Variants in CALN1 observed in about 807,000 individuals in gnomAD.
CALN1 encodes calcium-binding protein 8.
In CALN1, 17 loss-of-function variants were observed where a neutral mutation model predicts 30.6. The observed-to-expected ratio is 0.56, with a 90% CI of 0.38 to 0.83. CALN1 has a LOEUF of 0.83. CALN1 is among the 40% of genes least tolerant of loss of function. CALN1 has a pLI of 0.00. For missense variants in CALN1, 291 were observed against 354.9 expected, an observed-to-expected ratio of 0.82 and a Z score of 1.45; for synonymous variants, 156 against 131.4, an observed-to-expected ratio of 1.19 and a Z score of -1.28.
intron 3 of CALN1, among the ~76,000 whole-genome samples, chr7:72,113,388 C>T (rs1296398367): frequency 6.6e-6 from 1 of 152,216 alleles, no homozygotes; most frequent in Non-Finnish European, 1.5e-5. Context: ...GAGGTCCTCA[C>T]CAGCAGCCAA....
chr7:71,796,315 A>T (rs113869035), intron 6 of CALN1, among the ~76,000 whole-genome samples: 1 of 151,590 alleles, frequency 6.6e-6, no homozygotes, highest in Admixed American at 6.6e-5. Context: ...GTGCAAACCT[A>T]GAAGTTGAAT....
intron 3 of CALN1, among the ~76,000 whole-genome samples, chr7:72,112,998 G>T (rs761240186): frequency 2.6e-5 from 4 of 152,190 alleles, no homozygotes; most frequent in Non-Finnish European, 5.9e-5. Flanking sequence ...GGCAAGACAC[G>T]GGCATGTCTA....
At chr7:72,003,915 G>A (rs1269585925) in intron 5 of CALN1, among the ~76,000 whole-genome samples, 1 of 152,110 alleles carries the variant, frequency 6.6e-6, no homozygotes, top group Non-Finnish European at 1.5e-5. Flanking sequence ...GCTATTCCTA[G>A]ACCACTGGAC....
chr7:72,044,238 G>C (rs1388171758), intron 4 of CALN1, among the ~76,000 whole-genome samples: 1 of 152,076 alleles, frequency 6.6e-6, no homozygotes, highest in Non-Finnish European at 1.5e-5. Flanking sequence ...AATCAGATTG[G>C]GTTGGCTCTC....
chr7:72,501,928 A>AAAAAAAAAAT, the CALN1 span, among the ~76,000 whole-genome samples: 5 of 57,966 alleles, frequency 8.6e-5, no homozygotes, highest in African/African-American at 4.0e-4. Context: ...AAAAAAAAAA[A>AAAAAAAAAAT]ATATATATAT....
intron 2 of CALN1, among the ~76,000 whole-genome samples, chr7:72,338,903 G>GT (rs113269740): frequency 0.011 from 1,480 of 140,610 alleles, 11 homozygotes; most frequent in South Asian, 0.016. Flanking sequence ...ATTCTAACTT[G>GT]TTTTTTTTTT....
chr7:72,407,642 C>T (rs1158938732), intron 1 of CALN1, among the ~76,000 whole-genome samples: 2 of 152,194 alleles, frequency 1.3e-5, no homozygotes, highest in African/African-American at 4.8e-5. Context: ...GTATAGCCTG[C>T]AGAACCGTGA....
intron 5 of CALN1, among the ~76,000 whole-genome samples, chr7:71,891,040 C>A (rs747185903): frequency 3.3e-5 from 5 of 152,104 alleles, no homozygotes; most frequent in Admixed American, 2.6e-4. Context: ...AGCCACCATG[C>A]CTGGCCTTGT....
At chr7:72,043,433 C>G (rs1170101373) in intron 4 of CALN1, among the ~76,000 whole-genome samples, 1 of 152,164 alleles carries the variant, frequency 6.6e-6, no homozygotes, top group Non-Finnish European at 1.5e-5. Context: ...CTTTTATGCA[C>G]ACTTTACATT....
intron 4 of CALN1, among the ~76,000 whole-genome samples, chr7:72,046,015 A>T (rs1026966068): frequency 6.6e-6 from 1 of 150,534 alleles, no homozygotes; most frequent in Non-Finnish European, 1.5e-5. Context: ...AAAAAAAAAA[A>T]AGGATTCAGA....
At chr7:72,287,786 A>C (rs1798189286) in intron 2 of CALN1, among the ~76,000 whole-genome samples, 2 of 152,092 alleles carry the variant, frequency 1.3e-5, no homozygotes, top group South Asian at 4.1e-4. Context: ...CATTGTATAT[A>C]AATTACACAA....
rs1792922892 is a variant in CALN1, at chr7:71,785,213, C to G, written c.*2562G>C. ...AGCAGTCTGCAGAGGAATGCATTCTCCTAGATTTTCCCCTGGGGAGGGTGG... is the reference window on the plus strand; with the variant it reads ...AGCAGTCTGCAGAGGAATGCATTCTGCTAGATTTTCCCCTGGGGAGGGTGG... On this transcript the variant is annotated 3_prime_UTR_variant, in exon 7 of 7. Transcript: ENST00000395275. The G allele has an allele frequency of 4.8e-6, 1 of 209,318 alleles. No homozygotes were observed. The highest frequency in any genetic ancestry group is 9.4e-6 in the Non-Finnish European group (1 of 105,842). The allele number at this position is 209,318 out of a possible 1,614,324, so 13.0% of individuals were successfully genotyped here. A position where few individuals can be genotyped will look rare whatever the true frequency, so the allele number is the denominator to read the frequency against.
At chr7:72,273,803 G>C (rs566180102) in intron 3 of CALN1, among the ~76,000 whole-genome samples, 1 of 152,196 alleles carries the variant, frequency 6.6e-6, no homozygotes, top group African/African-American at 2.4e-5. Context: ...ATGAGCCACT[G>C]TGCCTGGCCA....
intron 3 of CALN1, among the ~76,000 whole-genome samples, chr7:72,271,322 T>G (rs1796956805): frequency 6.6e-6 from 1 of 151,746 alleles, no homozygotes; most frequent in Non-Finnish European, 1.5e-5. Context: ...AGACAAAGAG[T>G]GTGCCTCATA....
chr7:71,827,191 C>G (rs1421193111), intron 5 of CALN1, among the ~76,000 whole-genome samples: 1 of 152,166 alleles, frequency 6.6e-6, no homozygotes, highest in Non-Finnish European at 1.5e-5. Flanking sequence ...TGAATACAGA[C>G]AGCTTGTCTG....
At chr7:71,832,140 CT>C (rs1408894990) in intron 5 of CALN1, among the ~76,000 whole-genome samples, 5 of 151,804 alleles carry the variant, frequency 3.3e-5, no homozygotes, top group African/African-American at 4.8e-5. Flanking sequence ...AACACCCCTG[CT>C]TTTTTTTGTT....
intron 2 of CALN1, among the ~76,000 whole-genome samples, chr7:72,322,242 T>G (rs117030466): frequency 0.01 from 1,532 of 152,234 alleles, 12 homozygotes; most frequent in Middle Eastern, 0.024. Flanking sequence ...CTAGATCCCT[T>G]GCATGCACAG....
rs143580564 is a variant in CALN1, at chr7:71,980,723, C to A, written c.501+42934G>T. 6.6e-5 allele frequency among the ~76,000 whole-genome samples: 10 copies of A among 152,130 alleles called. No individual in the cohort carries two copies. The East Asian group carries it at 1.2e-3, about 18-fold the overall frequency. Reference sequence around the variant, plus strand: ...AGAACAAAGTAATCATTTCTATAGGCCAAAAACGGAACCCAAATGTAATGC... The same window carrying A: ...AGAACAAAGTAATCATTTCTATAGGACAAAAACGGAACCCAAATGTAATGC... On this transcript the variant is annotated intron_variant, in intron 5 of 6. Coordinates refer to ENST00000395275, the MANE Select transcript of CALN1 (RefSeq NM_031468.4).
chr7:72,425,124 GT>G (rs1807756335), intron 1 of CALN1, among the ~76,000 whole-genome samples: 1 of 151,982 alleles, frequency 6.6e-6, no homozygotes, highest in Non-Finnish European at 1.5e-5. Flanking sequence ...CTGGGGGGTT[GT>G]TTTTTTGAGA....
Sources: allele counts gnomAD v4.1 joint callset (sites outside exome capture counted in the v4.1 genomes callset), GRCh38; gene constraint gnomAD v4.1.1; transcripts MANE v1.5; gene names NCBI Gene and HGNC (gene_info 2026-07-23, HGNC 2026-07-21).